CALCOCO1: variants seen among roughly 807,000 people sequenced by gnomAD.
The protein encoded by CALCOCO1 is calcium binding and coiled-coil domain 1.
CALCOCO1 carries 44 observed loss-of-function variants against 86.3 expected under a neutral mutation model. That is an observed-to-expected ratio of 0.51 (90% CI 0.40 to 0.66). CALCOCO1 has a LOEUF of 0.66. Ranked by LOEUF, CALCOCO1 falls within the 30% of genes least tolerant of loss-of-function variation. The probability of loss-of-function intolerance (pLI) is 0.00; values close to 1 mark genes in which losing one functional copy is unlikely to be tolerated. For missense variants in CALCOCO1, 708 were observed against 851.1 expected, an observed-to-expected ratio of 0.83 and a Z score of 2.09; for synonymous variants, 297 against 327.6, an observed-to-expected ratio of 0.91 and a Z score of 1.01.
At chr12:53,723,823 C>T (rs753882433) in intron 3 of CALCOCO1, 40 bp from the exon 4 acceptor site, 4 of 1,578,732 alleles carry the variant, frequency 2.5e-6, no homozygotes, top group African/African-American at 2.7e-5. Context: ...CAATAATCCA[C>T]TGTCCTTGGC....
At chr12:53,721,139 C>A (rs2077285) in intron 6 of CALCOCO1, among the ~76,000 whole-genome samples, 61,686 of 152,012 alleles carry the variant, frequency 0.41, 13,174 homozygotes, top group East Asian at 0.75. Context: ...CCTGTGGCCA[C>A]ATCTGAAATC....
At chr12:53,714,056 C>T in intron 12 of CALCOCO1, 77 bp downstream of exon 12, 1 of 1,380,264 alleles carries the variant, frequency 7.2e-7, no homozygotes, top group Non-Finnish European at 1.0e-6. Flanking sequence ...CAGCTCCCAG[C>T]AAGGTTACAT....
intron 3 of CALCOCO1, 104 bp from the exon 4 acceptor site, chr12:53,723,887 A>T: frequency 1.1e-6 from 1 of 923,256 alleles, no homozygotes. Flanking sequence ...TCCACCTCCC[A>T]CAGGCCATAC....
In CALCOCO1 at chr12:53,712,135, A is replaced by G; in HGVS notation, c.1899-14T>C. 6.3e-7 allele frequency: 1 copy of G among 1,584,912 alleles called. No individual in the cohort carries two copies. Among genetic ancestry groups the G allele is most frequent in the African/African-American group, 1.3e-5 (1 of 74,302 alleles). ...ACTGTAAAGCCACTAAGAGAGACAG[A>G]GGGGAAAGGGAGAGGGTCGGCGTGC... On this transcript the variant is annotated splice_polypyrimidine_tract_variant and intron_variant, in intron 14 of 14. Transcript: ENST00000550804.
rs886809445 is a variant in CALCOCO1, at chr12:53,719,811, C to T, written c.777G>A (p.Lys259=). The T allele has an allele frequency of 6.2e-7, 1 of 1,613,366 alleles. No individual in the cohort carries two copies. The highest frequency in any genetic ancestry group is 8.5e-7 in the Non-Finnish European group (1 of 1,179,556). Reference sequence around the variant, plus strand: ...GCTTCTCTTGTTCCCGAGTCAGGGCCTTCACTGTGTCTCTAAGCCTGTGAT... The same window carrying T: ...GCTTCTCTTGTTCCCGAGTCAGGGCTTTCACTGTGTCTCTAAGCCTGTGAT... ...VELDRLRDTV[K]ALTREQEKLL... The change falls in exon 7 of 15, where the codon AAG becomes AAA. Residue 259 remains lysine, a synonymous_variant. Coordinates refer to ENST00000550804, the MANE Select transcript of CALCOCO1 (RefSeq NM_020898.3).
intron 7 of CALCOCO1, among the ~76,000 whole-genome samples, chr12:53,718,837 TC>T (rs1945795425): frequency 7.7e-6 from 1 of 129,072 alleles, no homozygotes; most frequent in African/African-American, 2.9e-5. Context: ...GCCATGGCCC[TC>T]CCTTTTTTTT....
rs774438748 is a variant in CALCOCO1 at position 53,714,117 on chromosome 12, T to G, written c.1591+16A>C. ...AGAGTGGGGAAGAGGTGTTACAAGA[T>G]TGGGGCTACACGGACTCAGCCCCAC... On this transcript the variant is annotated intron_variant, in intron 12 of 14. Coordinates refer to ENST00000550804, the MANE Select transcript of CALCOCO1 (RefSeq NM_020898.3). 1.3e-6 allele frequency: 2 copies of G among 1,583,242 alleles called. No individual in the cohort carries two copies. The highest frequency in any genetic ancestry group is 1.7e-6 in the Non-Finnish European group (2 of 1,156,084).
Position 53,725,255 on chromosome 12 carries a change from A to T in CALCOCO1, c.-13T>A. ...GTGATTCTTCCATCCTGGCCTTGAG[A>T]TATCTGTCCTCCTATGAAAGAAAGG... On this transcript the variant is annotated 5_prime_UTR_variant, in exon 2 of 15. Transcript: ENST00000550804. 1 of 1,571,720 alleles carries T rather than the reference A, an allele frequency of 6.4e-7. No homozygotes were observed. The highest frequency in any genetic ancestry group is 8.6e-7 in the Non-Finnish European group (1 of 1,160,236).
chr12:53,714,580 T>C lies in CALCOCO1; in HGVS notation c.1482+18A>G, dbSNP rs928838385. 1 of 1,602,272 alleles carries C rather than the reference T, an allele frequency of 6.2e-7. No individual in the cohort carries two copies. Among genetic ancestry groups the C allele is most frequent in the Non-Finnish European group, 8.6e-7 (1 of 1,169,320 alleles). ...CCTCACCTGTGGCATCCACGGGGCC[T>C]GGGTTATGGGTGCTCACCTGTTTCT... On this transcript the variant is annotated intron_variant, in intron 11 of 14. Coordinates refer to ENST00000550804, the MANE Select transcript of CALCOCO1 (RefSeq NM_020898.3).
At chr12:53,727,281 T>A (rs577299918) in intron 1 of CALCOCO1, 123 bp downstream of exon 1, 10 of 152,106 alleles carry the variant, frequency 6.6e-5, no homozygotes, top group Admixed American at 2.6e-4. Flanking sequence ...ACGGAAAGGG[T>A]TACAACCCAA....
At chr12:53,724,177 T>C (rs1458228875) in intron 3 of CALCOCO1, 3 of 436,316 alleles carry the variant, frequency 6.9e-6, no homozygotes, top group Non-Finnish European at 1.3e-5. Flanking sequence ...ACTACAGGCA[T>C]GCACCACCAC....
intron 7 of CALCOCO1, among the ~76,000 whole-genome samples, chr12:53,718,749 T>G (rs939735272): frequency 1.1e-4 from 17 of 152,094 alleles, no homozygotes; most frequent in Non-Finnish European, 2.1e-4. Flanking sequence ...AGGCTGGTTT[T>G]GAACCCCTGG....
At chr12:53,721,990 G>T in intron 5 of CALCOCO1, 35 bp downstream of exon 5, 2 of 1,609,852 alleles carry the variant, frequency 1.2e-6, no homozygotes, top group South Asian at 2.2e-5. Flanking sequence ...TGGGTGAGCA[G>T]CCAGGCCCTG....
chr12:53,713,601 G>C lies in CALCOCO1; in HGVS notation c.1791+100C>G, dbSNP rs140614562. On this transcript the variant is annotated intron_variant, in intron 13 of 14. Transcript: ENST00000550804. ...GGATCGCTTCAGCCCAGGAGGCAGAGGCTGCAGTGAGCCAAGATCGTGCTG... is the reference window on the plus strand; with the variant it reads ...GGATCGCTTCAGCCCAGGAGGCAGACGCTGCAGTGAGCCAAGATCGTGCTG... The C allele has an allele frequency of 2.6e-5, 29 of 1,111,606 alleles. No individual in the cohort carries two copies. In the Middle Eastern group the frequency reaches 9.5e-4, roughly 36 times the overall value. The allele number at this position is 1,111,606 out of a possible 1,614,324, so 68.9% of individuals were successfully genotyped here.
chr12:53,724,886 G>C, intron 2 of CALCOCO1, 139 bp from the exon 3 acceptor site: 1 of 827,238 alleles, frequency 1.2e-6, no homozygotes, highest in Non-Finnish European at 1.9e-6. Context: ...AAAGTGGAGG[G>C]ACACTAATGT....
intron 12 of CALCOCO1, 40 bp from the exon 13 acceptor site, chr12:53,713,940 G>T: frequency 6.7e-7 from 1 of 1,499,868 alleles, no homozygotes; most frequent in Non-Finnish European, 9.0e-7. Flanking sequence ...AAAAGGATGT[G>T]TTGTGAGGAG....
In CALCOCO1 at chr12:53,723,667, C is replaced by G; in HGVS notation, c.376G>C (p.Glu126Gln). ...TCAGCCTCCTCCAGGGTCACCAGTTCATCCATGGGCCTTGGCTCTCGGAAC... is the reference window on the plus strand; with the variant it reads ...TCAGCCTCCTCCAGGGTCACCAGTTGATCCATGGGCCTTGGCTCTCGGAAC... ...FQFREPRPMDELVTLEEADGG... is the reference protein window; with the variant it reads ...FQFREPRPMDQLVTLEEADGG... The change falls in exon 4 of 15, where the codon GAA becomes CAA. Residue 126 changes from glutamate (E) to glutamine (Q), a missense_variant. Glu to Gln is a conservative substitution (Grantham distance 29). Coordinates refer to ENST00000550804, the MANE Select transcript of CALCOCO1 (RefSeq NM_020898.3). The G allele has an allele frequency of 6.2e-7, 1 of 1,614,220 alleles. No homozygotes were observed. The highest frequency in any genetic ancestry group is 1.3e-5 in the African/African-American group (1 of 75,052).
Position 53,711,665 on chromosome 12 carries a change from G to T in CALCOCO1, c.*279C>A, listed in dbSNP as rs1344413496. ...GAGTGGACGATTCTATTCCCACAGG[G>T]GAAGGCCTCCTCCATCCCGGTTCCT... is the stretch of plus-strand genomic sequence containing the variant. On this transcript the variant is annotated 3_prime_UTR_variant, in exon 15 of 15. Transcript: ENST00000550804. 1 of 356,046 alleles carries T rather than the reference G, an allele frequency of 2.8e-6. No individual in the cohort carries two copies. 22.1% of individuals were successfully genotyped at this position (356,046 alleles called of 1,614,324 possible).
intron 10 of CALCOCO1, 67 bp downstream of exon 10, chr12:53,715,133 C>G: frequency 1.3e-6 from 2 of 1,566,452 alleles, no homozygotes; most frequent in Non-Finnish European, 1.7e-6. Flanking sequence ...ATACCCAAGA[C>G]AGAGAGAAGG....
Sources: allele counts gnomAD v4.1 joint callset (sites outside exome capture counted in the v4.1 genomes callset), GRCh38; gene constraint gnomAD v4.1.1; transcripts MANE v1.5; gene names NCBI Gene and HGNC (gene_info 2026-07-23, HGNC 2026-07-21).